The following ASB13 variants were observed in gnomAD, a reference collection of about 807,000 sequenced individuals.
ASB13 encodes the protein ankyrin repeat and SOCS box containing 13.
A neutral mutation model predicts 28.8 loss-of-function variants in ASB13; 33 were observed. The observed-to-expected ratio is 1.15, with a 90% CI of 0.87 to 1.53. The LOEUF (loss-of-function observed/expected upper bound fraction) is 1.53, where lower values mean the gene tolerates loss of function less well. Ranked by LOEUF, ASB13 falls within the 40% of genes most tolerant of loss-of-function variation. The probability of loss-of-function intolerance (pLI) is 0.00; values close to 1 mark genes in which losing one functional copy is unlikely to be tolerated. For missense variants in ASB13, 414 were observed against 390.1 expected (o/e 1.06, Z -0.52); for synonymous variants, 182 against 172.9 (o/e 1.05, Z -0.41).
rs564198653 is a variant in ASB13 at position 5,648,152 on chromosome 10, C to T, written c.517+818G>A. ...ACACCCACTCAGGTAAACAACCACG[C>T]GGGTAAACACTCACGGGGGTAAACA... On this transcript the variant is annotated intron_variant, in intron 4 of 5. Transcript: ENST00000357700. 2.3e-4 allele frequency among the ~76,000 whole-genome samples: 34 copies of T among 151,034 alleles called. No individual in the cohort carries two copies. In the East Asian group the frequency reaches 4.7e-3, roughly 21 times the overall value.
At chr10:5,662,244 C>A (rs1188745963) in intron 1 of ASB13, among the ~76,000 whole-genome samples, 1 of 151,950 alleles carries the variant, frequency 6.6e-6, no homozygotes, top group Non-Finnish European at 1.5e-5. Flanking sequence ...ATGGGCTGGG[C>A]GCAGTGGCTC....
Position 5,640,569 on chromosome 10 carries a change from G to A in ASB13, c.*134C>T. ...GGATCCAGGAGAGAAGCCTAAACAG[G>A]ATCGCAGGAAGGGACTCGAAGGAGC... is the stretch of plus-strand genomic sequence containing the variant. On this transcript the variant is annotated 3_prime_UTR_variant, in exon 6 of 6. Transcript: ENST00000357700. The A allele has an allele frequency of 8.6e-7, 1 of 1,158,436 alleles. No homozygotes were observed. The allele number at this position is 1,158,436 out of a possible 1,614,324, so 71.8% of individuals were successfully genotyped here.
rs912391422 is a variant in ASB13, at chr10:5,642,385, C to T, written c.518-424G>A. The T allele has an allele frequency of 1.7e-5, 12 of 725,584 alleles. No individual in the cohort carries two copies. The highest frequency in any genetic ancestry group is 9.4e-5 in the African/African-American group (5 of 53,152). 44.9% of individuals were successfully genotyped at this position (725,584 alleles called of 1,614,324 possible). On this transcript the variant is annotated intron_variant, in intron 4 of 5. Transcript: ENST00000357700. The surrounding 1 kb of genome is among the most constrained non-coding windows in gnomAD (Gnocchi z 4.1). ...GCTTCTTCCTCTTGCGGGCCCAGGA[C>T]GGAGGCTCCAGAAATACTGGTTGAA...
rs1201765146 is a variant in ASB13 at position 5,663,560 on chromosome 10, C to T, written c.43+2949G>A. 6.6e-6 allele frequency among the ~76,000 whole-genome samples: 1 copy of T among 152,184 alleles called. No homozygotes were observed. Among genetic ancestry groups the T allele is most frequent in the Non-Finnish European group, 1.5e-5 (1 of 68,032 alleles). On this transcript the variant is annotated intron_variant, in intron 1 of 5. Transcript: ENST00000357700. This position sits in a 1 kb window ranked among gnomAD's most constrained non-coding sequence, Gnocchi z 4.9. ...CCCTGAGCTCTGATCCTGCATCCTC[C>T]CTGTCTCAGTTAAGGGACCTGAGGG...
chr10:5,665,057 A>C (rs4492710), intron 1 of ASB13, among the ~76,000 whole-genome samples: 38,763 of 152,048 alleles, frequency 0.25, 5,101 homozygotes, highest in Middle Eastern at 0.41. Context: ...GGGTTTCGCC[A>C]TGTTGGCCAG....
At position 5,658,453 on chromosome 10, in the gene ASB13, A is replaced by G. The variant is rs35095871; in HGVS notation, c.44-5403T>C. 0.12 allele frequency among the ~76,000 whole-genome samples: 17,870 copies of G among 151,758 alleles called. 1,703 individuals are homozygous for G. Among genetic ancestry groups the G allele is most frequent in the Admixed American group, 0.24 (3,586 of 15,252 alleles). On this transcript the variant is annotated intron_variant, in intron 1 of 5. Transcript: ENST00000357700. This position sits in a 1 kb window ranked among gnomAD's most constrained non-coding sequence, Gnocchi z 4.2. Reference sequence around the variant, plus strand: ...AAAAAAAAACAAAACCAAATAAGCCATTTCTGAAAAGCCAAATACTGTATG... The same window carrying G: ...AAAAAAAAACAAAACCAAATAAGCCGTTTCTGAAAAGCCAAATACTGTATG...
rs1835202807 is a variant in ASB13, at chr10:5,663,118, T to C, written c.43+3391A>G. On this transcript the variant is annotated intron_variant, in intron 1 of 5. Transcript: ENST00000357700. The surrounding 1 kb of genome is among the most constrained non-coding windows in gnomAD (Gnocchi z 4.9). Reference sequence around the variant, plus strand: ...ACAGCAGACTGATTTTAAGATGTGTTCAATGAAGCAAAAATGCCAGTATTT... The same window carrying C: ...ACAGCAGACTGATTTTAAGATGTGTCCAATGAAGCAAAAATGCCAGTATTT... Among the ~76,000 whole-genome samples, 1 of 152,126 alleles carries C rather than the reference T, an allele frequency of 6.6e-6. No individual in the cohort carries two copies. The highest frequency in any genetic ancestry group is 1.5e-5 in the Non-Finnish European group (1 of 68,026).
chr10:5,656,852 C>A lies in ASB13; in HGVS notation c.44-3802G>T, dbSNP rs1291685952. On this transcript the variant is annotated intron_variant, in intron 1 of 5. Coordinates refer to ENST00000357700, the MANE Select transcript of ASB13 (RefSeq NM_024701.4). The surrounding 1 kb of genome is among the most constrained non-coding windows in gnomAD (Gnocchi z 4.3). ...CTTGGTTACCTCTTGATCCCAACAG[C>A]CTCTTTTTCCCACTGCCCTTAACAT... Among the ~76,000 whole-genome samples, 1 of 152,166 alleles carries A rather than the reference C, an allele frequency of 6.6e-6. No homozygotes were observed. The highest frequency in any genetic ancestry group is 1.5e-5 in the Non-Finnish European group (1 of 68,026).
chr10:5,653,114 G>GT, intron 1 of ASB13, 64 bp from the exon 2 acceptor site: 1 of 1,437,814 alleles, frequency 7.0e-7, no homozygotes. Context: ...ATGAGCACAC[G>GT]TAAGACTCCA....
rs189598625 is a variant in ASB13, at chr10:5,649,806, G to A, written c.383-702C>T. On this transcript the variant is annotated intron_variant, in intron 3 of 5. Transcript: ENST00000357700. This position sits in a 1 kb window ranked among gnomAD's most constrained non-coding sequence, Gnocchi z 6.4. ...CTCCCAAAGTGCTGGGATTACCAAG[G>A]GCATGAGCCACAGCGCCCGGCCTCT... Among the ~76,000 whole-genome samples the A allele has an allele frequency of 0.01, 1,579 of 152,028 alleles. 14 individuals carry two copies. Among genetic ancestry groups the A allele is most frequent in the Non-Finnish European group, 0.014 (969 of 67,950 alleles).
In ASB13 at chr10:5,664,108, C is replaced by T. The variant is rs754961076; in HGVS notation, c.43+2401G>A. ...CAGTGGCTAACCAGGATACAGAAGG[C>T]GGGCTTGGCACCCGGGGTTGGGACC... On this transcript the variant is annotated intron_variant, in intron 1 of 5. Coordinates refer to ENST00000357700, the MANE Select transcript of ASB13 (RefSeq NM_024701.4). This position sits in a 1 kb window ranked among gnomAD's most constrained non-coding sequence, Gnocchi z 4.2. Among the ~76,000 whole-genome samples the T allele has an allele frequency of 3.3e-5, 5 of 152,110 alleles. No homozygotes were observed. Among genetic ancestry groups the T allele is most frequent in the Non-Finnish European group, 5.9e-5 (4 of 68,010 alleles).
Position 5,642,900 on chromosome 10 carries a change from G to C in ASB13, c.518-939C>G, listed in dbSNP as rs1486958766. ...CTACGGGCATGAGCCACCACACCTG[G>C]TCACATATGGCATTTTGCAACACAC... On this transcript the variant is annotated intron_variant, in intron 4 of 5. Transcript: ENST00000357700. This position sits in a 1 kb window ranked among gnomAD's most constrained non-coding sequence, Gnocchi z 4.1. 6.6e-6 allele frequency among the ~76,000 whole-genome samples: 1 copy of C among 151,998 alleles called. No homozygotes were observed. Among genetic ancestry groups the C allele is most frequent in the East Asian group, 1.9e-4 (1 of 5,194 alleles).
chr10:5,651,305 C>T lies in ASB13; in HGVS notation c.290G>A (p.Ser97Asn). 1 of 1,614,008 alleles carries T rather than the reference C, an allele frequency of 6.2e-7. No homozygotes were observed. The highest frequency in any genetic ancestry group is 8.5e-7 in the Non-Finnish European group (1 of 1,179,966). Residue 97 changes from serine to asparagine, a missense_variant, in exon 3 of 6, where the codon AGC (serine) becomes AAC (asparagine). Ser to Asn is a conservative substitution (Grantham distance 46, BLOSUM62 1). Coordinates refer to ENST00000357700, the MANE Select transcript of ASB13 (RefSeq NM_024701.4). The surrounding 1 kb of genome is among the most constrained non-coding windows in gnomAD (Gnocchi z 5.1). ...CAGCAAGAGCTTCACACACTCGATG[C>T]TGCCCGAGGCGCAGGCATCGCAGAG... ...TPLCDACASG[S>N]IECVKLLLSY...
At chr10:5,654,460 A>C (rs1390228664) in intron 1 of ASB13, among the ~76,000 whole-genome samples, 1 of 152,176 alleles carries the variant, frequency 6.6e-6, no homozygotes, top group African/African-American at 2.4e-5. Flanking sequence ...TGGAGCCAAG[A>C]CAATGGCCGG....
rs1341151416 is a variant in ASB13, at chr10:5,640,811, T to G, written c.729A>C (p.Ser243=). The G allele has an allele frequency of 6.2e-7, 1 of 1,613,940 alleles. No homozygotes were observed. Among genetic ancestry groups the G allele is most frequent in the East Asian group, 2.2e-5 (1 of 44,884 alleles). The part of the protein sequence containing the change: ...EYYEKTPLTL[S]QLCRVNLRKA... ...TCCTCAAGTTCACCCTGCAGAGCTG[T>G]GACAGAGTCAGAGGTGTCTCTGAAA... The change falls in exon 6 of 6, where the codon TCA becomes TCC. Residue 243 remains serine (S), a synonymous_variant. Transcript: ENST00000357700.
chr10:5,646,548 G>C (rs542352140), intron 4 of ASB13, among the ~76,000 whole-genome samples: 1 of 152,162 alleles, frequency 6.6e-6, no homozygotes, highest in East Asian at 1.9e-4. Flanking sequence ...AAGCAGAATC[G>C]CAACGTTCAA....
chr10:5,651,361 C>T lies in ASB13; in HGVS notation c.234G>A (p.Val78=). Residue 78 remains valine, a splice_region_variant and synonymous_variant, in exon 3 of 6, where the codon GTG becomes GTA. Coordinates refer to ENST00000357700, the MANE Select transcript of ASB13 (RefSeq NM_024701.4). The surrounding 1 kb of genome is among the most constrained non-coding windows in gnomAD (Gnocchi z 5.1). ...VQLLLAAGAQ[V]DARNIDGSTP... is the part of the protein sequence containing the mutation. ...TGCTGCCGTCGATGTTGCGAGCATC[C>T]ACCTCACGGGAGGAAGAAACAAGTG... 1 of 1,603,680 alleles carries T rather than the reference C, an allele frequency of 6.2e-7. No homozygotes were observed. Among genetic ancestry groups the T allele is most frequent in the Non-Finnish European group, 8.5e-7 (1 of 1,173,632 alleles).
In ASB13 at chr10:5,641,886, A is replaced by G. The variant is rs1283074944; in HGVS notation, c.593T>C (p.Ile198Thr). The G allele has an allele frequency of 3.7e-6, 6 of 1,614,134 alleles. No individual in the cohort carries two copies. Among genetic ancestry groups the G allele is most frequent in the Middle Eastern group, 3.3e-4 (2 of 6,062 alleles). ...HAAKVKNVDLIEMLIEFGGNI... is the reference protein window; with the variant it reads ...HAAKVKNVDLTEMLIEFGGNI... ...GCCGCCAAACTCGATAAGCATCTCGATGAGGTCAACATTCTTGACCTTGGC... is the reference window on the plus strand; with the variant it reads ...GCCGCCAAACTCGATAAGCATCTCGGTGAGGTCAACATTCTTGACCTTGGC... The change falls in exon 5 of 6, where the codon ATC (isoleucine) becomes ACC (threonine). Residue 198 changes from isoleucine to threonine, a missense_variant. Ile to Thr is a moderately conservative substitution (Grantham distance 89, BLOSUM62 -1). Coordinates refer to ENST00000357700, the MANE Select transcript of ASB13 (RefSeq NM_024701.4). This position sits in a 1 kb window ranked among gnomAD's most constrained non-coding sequence, Gnocchi z 8.4.
chr10:5,662,106 C>T (rs1005360057), intron 1 of ASB13, among the ~76,000 whole-genome samples: 7 of 152,274 alleles, frequency 4.6e-5, no homozygotes, highest in Non-Finnish European at 7.4e-5. Flanking sequence ...TCTCAATGGG[C>T]TCATCCTCAG....
Sources: allele counts gnomAD v4.1 joint callset (sites outside exome capture counted in the v4.1 genomes callset), GRCh38; gene constraint gnomAD v4.1.1; non-coding constraint Gnocchi (gnomAD v3.1); transcripts MANE v1.5; gene names NCBI Gene and HGNC (gene_info 2026-07-23, HGNC 2026-07-21).